Variants in PIN1 observed in about 807,000 individuals in gnomAD.
The protein encoded by PIN1 is peptidyl-prolyl cis-trans isomerase NIMA-interacting 1.
PIN1 carries 8 observed loss-of-function variants against 19.9 expected under a neutral mutation model. The ratio of observed to expected loss-of-function variants is 0.40; its 90% confidence interval spans 0.24 to 0.72. PIN1 has a LOEUF of 0.72. Ranked by LOEUF, PIN1 falls within the 30% of genes least tolerant of loss-of-function variation. PIN1 has a pLI of 0.37. For missense variants in PIN1, 185 were observed against 226.5 expected (o/e 0.82, Z 1.18); for synonymous variants, 86 against 90.8 (o/e 0.95, Z 0.30).
rs1039131575 is a variant in PIN1, at chr19:9,849,213, A to C, written c.*14A>C. The C allele has an allele frequency of 1.9e-6, 3 of 1,579,300 alleles. No homozygotes were observed. Among genetic ancestry groups the C allele is most frequent in the Non-Finnish European group, 2.6e-6 (3 of 1,152,664 alleles). Reference sequence around the variant, plus strand: ...CGCACTGAGTGAGGGTGGGGAGCCCAGGCCTGGCCTCGGGGCAGGGCAGGG... The same window carrying C: ...CGCACTGAGTGAGGGTGGGGAGCCCCGGCCTGGCCTCGGGGCAGGGCAGGG... On this transcript the variant is annotated 3_prime_UTR_variant, in exon 4 of 4. Coordinates refer to ENST00000247970, the MANE Select transcript of PIN1 (RefSeq NM_006221.4).
rs544308655 is a variant in PIN1, at chr19:9,846,869, G to T, written c.272-1161G>T. Among the ~76,000 whole-genome samples the T allele has an allele frequency of 9.5e-4, 145 of 152,228 alleles. No homozygotes were observed. The highest frequency in any genetic ancestry group is 3.4e-3 in the Middle Eastern group (1 of 294). On this transcript the variant is annotated intron_variant, in intron 2 of 3. Coordinates refer to ENST00000247970, the MANE Select transcript of PIN1 (RefSeq NM_006221.4). The surrounding 1 kb of genome is among the most constrained non-coding windows in gnomAD (Gnocchi z 5.9). The stretch of plus-strand genomic sequence containing the variant: ...CTGAGTGTGTCAGGGTGACCTTCAC[G>T]TTGGAGAGAAGAACTGGTGTCCCTG...
intron 2 of PIN1, among the ~76,000 whole-genome samples, chr19:9,842,831 G>A (rs1418286337): frequency 6.6e-6 from 1 of 152,222 alleles, no homozygotes; most frequent in African/African-American, 2.4e-5. Context: ...TTCATGCCGG[G>A]TGATCAGGAG....
chr19:9,847,970 G>T, intron 2 of PIN1, 60 bp from the exon 3 acceptor site: 1 of 1,060,566 alleles, frequency 9.4e-7, no homozygotes, highest in South Asian at 1.3e-5. Context: ...CCTCCATCCT[G>T]TCTGGTCAGG....
At chr19:9,836,344 C>T (rs1449190375) in intron 1 of PIN1, 1 of 160,384 alleles carries the variant, frequency 6.2e-6, no homozygotes, top group African/African-American at 2.4e-5. Flanking sequence ...TCTCTATTCC[C>T]CATTTTTCAG....
intron 2 of PIN1, among the ~76,000 whole-genome samples, chr19:9,841,206 G>A (rs1191318107): frequency 1.3e-5 from 2 of 152,168 alleles, no homozygotes; most frequent in Non-Finnish European, 2.9e-5. Flanking sequence ...AGTGCCACCC[G>A]TTAGTCTTAT....
At chr19:9,842,486 C>T (rs1402669459) in intron 2 of PIN1, among the ~76,000 whole-genome samples, 5 of 152,234 alleles carry the variant, frequency 3.3e-5, no homozygotes, top group South Asian at 2.1e-4. Flanking sequence ...GGGGTGTGGA[C>T]GATGGGGGAG....
chr19:9,838,437 C>A lies in PIN1; in HGVS notation c.60C>A (p.Gly20=), dbSNP rs1442567055. The A allele has an allele frequency of 6.2e-7, 1 of 1,600,294 alleles. No homozygotes were observed. Among genetic ancestry groups the A allele is most frequent in the Non-Finnish European group, 8.5e-7 (1 of 1,175,172 alleles). The stretch of plus-strand genomic sequence containing the variant: ...ATTCCTGCCTGCCCTCCCCTCCAGG[C>A]CGAGTGTACTACTTCAACCACATCA... The part of the protein sequence containing the change: ...GWEKRMSRSS[G]RVYYFNHITN... Residue 20 remains glycine, a splice_region_variant and synonymous_variant, in exon 2 of 4, where the codon GGC becomes GGA. Transcript: ENST00000247970. This position sits in a 1 kb window ranked among gnomAD's most constrained non-coding sequence, Gnocchi z 5.8.
Position 9,846,056 on chromosome 19 carries a change from AGAG to A in PIN1, c.272-1969_272-1967del, listed in dbSNP as rs1016836368. Among the ~76,000 whole-genome samples the A allele has an allele frequency of 1.3e-5, 2 of 151,220 alleles. No homozygotes were observed. Among genetic ancestry groups the A allele is most frequent in the Non-Finnish European group, 2.9e-5 (2 of 67,822 alleles). ...CAAGGAGATACCTAGAAGTTCAGGG[AGAG>A]GAGGGGTGGGAGGGGGTCCTAGCAA... On this transcript the variant is annotated intron_variant, in intron 2 of 3. Transcript: ENST00000247970. This position sits in a 1 kb window ranked among gnomAD's most constrained non-coding sequence, Gnocchi z 5.9.
intron 2 of PIN1, 135 bp from the exon 3 acceptor site, chr19:9,847,895 T>C (rs2046236575): frequency 1.4e-6 from 1 of 698,626 alleles, no homozygotes; most frequent in Non-Finnish European, 2.6e-6. Flanking sequence ...GTGGGGAGCA[T>C]GTGCGCCTGT....
chr19:9,838,842 G>A lies in PIN1; in HGVS notation c.271+194G>A, dbSNP rs2046137954. On this transcript the variant is annotated intron_variant, in intron 2 of 3. Transcript: ENST00000247970. This position sits in a 1 kb window ranked among gnomAD's most constrained non-coding sequence, Gnocchi z 5.8. ...CTTTCTTTTCCATCTGGCATTTGAGGGTGAGCCAGGTAGGGGCAGAGGACC... is the reference window on the plus strand; with the variant it reads ...CTTTCTTTTCCATCTGGCATTTGAGAGTGAGCCAGGTAGGGGCAGAGGACC... Among the ~76,000 whole-genome samples the A allele has an allele frequency of 1.3e-5, 2 of 152,168 alleles. No homozygotes were observed. Among genetic ancestry groups the A allele is most frequent in the Admixed American group, 6.5e-5 (1 of 15,280 alleles).
chr19:9,844,377 A>G (rs935257761), intron 2 of PIN1, among the ~76,000 whole-genome samples: 1 of 152,084 alleles, frequency 6.6e-6, no homozygotes, highest in African/African-American at 2.4e-5. Context: ...CCAGACTCTC[A>G]TTGTTCAGGA....
At chr19:9,848,362 T>G in intron 3 of PIN1, 152 of 552,894 alleles carry the variant, frequency 2.7e-4, no homozygotes, top group Middle Eastern at 1.0e-3. Flanking sequence ...GCATCATCTC[T>G]ACCCTGGGGG....
intron 2 of PIN1, among the ~76,000 whole-genome samples, chr19:9,845,252 G>A (rs1355156391): frequency 7.1e-6 from 1 of 141,322 alleles, no homozygotes; most frequent in African/African-American, 2.9e-5. Flanking sequence ...GTTTTTGTTT[G>A]TTTGTTTGTT....
At chr19:9,845,763 A>G (rs917994609) in intron 2 of PIN1, among the ~76,000 whole-genome samples, 7 of 152,190 alleles carry the variant, frequency 4.6e-5, no homozygotes, top group Admixed American at 3.3e-4. Context: ...TGGCTTGCAC[A>G]CTATGTGTGT....
chr19:9,837,130 AATTTTTT>A lies in PIN1; in HGVS notation c.59-1288_59-1282del, dbSNP rs1437117703. On this transcript the variant is annotated intron_variant, in intron 1 of 3. Coordinates refer to ENST00000247970, the MANE Select transcript of PIN1 (RefSeq NM_006221.4). Reference sequence around the variant, plus strand: ...AGGCGTGTACCACCCACCCATGGCTAATTTTTTATTTTTTATTTTTTATTGTTTGTTT... The same window carrying A: ...AGGCGTGTACCACCCACCCATGGCTAATTTTTTATTTTTTATTGTTTGTTT... The A allele has an allele frequency of 1.6e-4, 40 of 250,044 alleles. No homozygotes were observed. The East Asian group carries it at 3.5e-3, about 22-fold the overall frequency. 15.5% of individuals were successfully genotyped at this position (250,044 alleles called of 1,614,324 possible).
chr19:9,844,176 A>G (rs1463101295), intron 2 of PIN1, among the ~76,000 whole-genome samples: 1 of 152,098 alleles, frequency 6.6e-6, no homozygotes, highest in Non-Finnish European at 1.5e-5. Flanking sequence ...GCTTTAACAC[A>G]TGAATTTGGG....
At chr19:9,842,067 G>T (rs1985604) in intron 2 of PIN1, among the ~76,000 whole-genome samples, 1 of 152,124 alleles carries the variant, frequency 6.6e-6, no homozygotes, top group African/African-American at 2.4e-5. Flanking sequence ...AGGCGTCACC[G>T]TAGGTACCTG....
At chr19:9,847,699 T>C (rs566096606) in intron 2 of PIN1, among the ~76,000 whole-genome samples, 21 of 117,556 alleles carry the variant, frequency 1.8e-4, no homozygotes, top group African/African-American at 4.9e-4. Flanking sequence ...TGTGTGTGTG[T>C]GTGTGCATGT....
chr19:9,849,189 G>A lies in PIN1; in HGVS notation c.482G>A (p.Arg161His). ...FTDSGIHIIL[R>H]TE Reference sequence around the variant, plus strand: ...GATTCCGGCATCCACATCATCCTCCGCACTGAGTGAGGGTGGGGAGCCCAG... The same window carrying A: ...GATTCCGGCATCCACATCATCCTCCACACTGAGTGAGGGTGGGGAGCCCAG... Residue 161 changes from arginine (R) to histidine (H), a missense_variant, in exon 4 of 4, where the codon CGC (arginine) becomes CAC (histidine). Transcript: ENST00000247970. The A allele has an allele frequency of 1.2e-6, 2 of 1,607,622 alleles. No individual in the cohort carries two copies. The highest frequency in any genetic ancestry group is 1.1e-5 in the South Asian group (1 of 90,574).
Sources: allele counts gnomAD v4.1 joint callset (sites outside exome capture counted in the v4.1 genomes callset), GRCh38; gene constraint gnomAD v4.1.1; non-coding constraint Gnocchi (gnomAD v3.1); transcripts MANE v1.5; gene names NCBI Gene and HGNC (gene_info 2026-07-23, HGNC 2026-07-21).